RPH3AL: variants seen among roughly 807,000 people sequenced by gnomAD.
RPH3AL encodes rab effector Noc2.
In RPH3AL, 38 loss-of-function variants were observed where a neutral mutation model predicts 43.1. That is an observed-to-expected ratio of 0.88 (90% CI 0.68 to 1.15). The LOEUF is 1.15. RPH3AL is among the 50% of genes most tolerant of loss of function. RPH3AL has a pLI of 0.00. For synonymous variants in RPH3AL, 189 were observed against 176.3 expected (o/e 1.07, Z -0.57); for missense variants, 462 against 423.2 (o/e 1.09, Z -0.81).
At chr17:303,032 C>A (rs1011070793) in intron 5 of RPH3AL, among the ~76,000 whole-genome samples, 1 of 152,272 alleles carries the variant, frequency 6.6e-6, no homozygotes, top group East Asian at 1.9e-4. Context: ...CCAAGTCAGA[C>A]AATAAACTTG....
intron 6 of RPH3AL, among the ~76,000 whole-genome samples, chr17:270,608 G>T (rs1299435992): frequency 6.6e-6 from 1 of 152,104 alleles, no homozygotes. Flanking sequence ...CCAGCACTTA[G>T]GGCAGCAGAG....
At position 274,983 on chromosome 17, in the gene RPH3AL, CG is replaced by C. The variant is rs2042618929; in HGVS notation, c.438+6784del. On this transcript the variant is annotated intron_variant, in intron 6 of 9. Transcript: ENST00000331302. The surrounding 1 kb of genome is among the most constrained non-coding windows in gnomAD (Gnocchi z 4.7). Reference sequence around the variant, plus strand: ...TGGAGAACAGAATCGAAACTTACACCGGAGGGGAAAGAGCAGACGTGGTCAC... The same window carrying C: ...TGGAGAACAGAATCGAAACTTACACCGAGGGGAAAGAGCAGACGTGGTCAC... 6.6e-6 allele frequency among the ~76,000 whole-genome samples: 1 copy of C among 152,080 alleles called. No homozygotes were observed. The highest frequency in any genetic ancestry group is 1.5e-5 in the Non-Finnish European group (1 of 68,022).
chr17:279,130 T>G (rs2042723438), intron 6 of RPH3AL, among the ~76,000 whole-genome samples: 1 of 152,186 alleles, frequency 6.6e-6, no homozygotes, highest in African/African-American at 2.4e-5. Flanking sequence ...AAATCTGACA[T>G]TTTAAACGGC....
At chr17:273,954 G>A (rs1442354689) in intron 6 of RPH3AL, among the ~76,000 whole-genome samples, 3 of 152,140 alleles carry the variant, frequency 2.0e-5, no homozygotes, top group Admixed American at 1.3e-4. Flanking sequence ...TGTCCTCCAA[G>A]AAGCTTTCTT....
chr17:352,230 A>C (rs1042479057), intron 1 of RPH3AL, among the ~76,000 whole-genome samples: 3 of 152,124 alleles, frequency 2.0e-5, no homozygotes, highest in African/African-American at 7.2e-5. Flanking sequence ...CATAACACGC[A>C]ATACAAACAG....
chr17:345,304 C>T (rs1377931007), intron 1 of RPH3AL, among the ~76,000 whole-genome samples: 1 of 134,980 alleles, frequency 7.4e-6, no homozygotes, highest in Non-Finnish European at 1.7e-5. Flanking sequence ...AAACAGAACA[C>T]CCTAAATCCC....
At chr17:272,051 A>G (rs533129126) in intron 6 of RPH3AL, among the ~76,000 whole-genome samples, 8 of 152,342 alleles carry the variant, frequency 5.3e-5, no homozygotes, top group African/African-American at 1.2e-4. Flanking sequence ...CAAAACCACA[A>G]TGAGATACCA....
chr17:269,836 C>T, intron 6 of RPH3AL, among the ~76,000 whole-genome samples: 1 of 152,214 alleles, frequency 6.6e-6, no homozygotes, highest in Non-Finnish European at 1.5e-5. Context: ...GCCTCAGAGG[C>T]AAACTTCTCC....
At chr17:347,416 A>T (rs888725729) in intron 1 of RPH3AL, among the ~76,000 whole-genome samples, 2 of 152,208 alleles carry the variant, frequency 1.3e-5, no homozygotes, top group African/African-American at 4.8e-5. Context: ...CTTTGTATCT[A>T]TGAAAAATAA....
chr17:338,017 C>G (rs1015355811), intron 1 of RPH3AL, among the ~76,000 whole-genome samples: 1 of 152,218 alleles, frequency 6.6e-6, no homozygotes, highest in Non-Finnish European at 1.5e-5. Context: ...ACTTCTCCCC[C>G]ATCTCAAGTG....
chr17:259,812 G>A (rs902136920), intron 6 of RPH3AL, among the ~76,000 whole-genome samples: 10 of 152,168 alleles, frequency 6.6e-5, no homozygotes, highest in Non-Finnish European at 1.3e-4. Context: ...TCAGCTCACG[G>A]CCAATCTGAC....
intron 5 of RPH3AL, among the ~76,000 whole-genome samples, chr17:299,963 G>A (rs1450867148): frequency 3.3e-5 from 5 of 151,236 alleles, no homozygotes; most frequent in Non-Finnish European, 7.4e-5. Context: ...CCCAGCCTAG[G>A]CCCGCAGAAT....
Position 264,092 on chromosome 17 carries a change from A to G in RPH3AL, c.439-16807T>C, listed in dbSNP as rs189355091. Among the ~76,000 whole-genome samples the G allele has an allele frequency of 3.6e-4, 54 of 152,112 alleles. No homozygotes were observed. Among genetic ancestry groups the G allele is most frequent in the Middle Eastern group, 3.4e-3 (1 of 294 alleles). On this transcript the variant is annotated intron_variant, in intron 6 of 9. Transcript: ENST00000331302. This position sits in a 1 kb window ranked among gnomAD's most constrained non-coding sequence, Gnocchi z 4.8. ...ATTTTGGCCGCGTGCGACAAGCCGG[A>G]CTCTCCAAGAGCCTTGGACCCACAC...
rs544511005 is a variant in RPH3AL, at chr17:290,162, C to T, written c.352-8308G>A. 2.0e-5 allele frequency among the ~76,000 whole-genome samples: 3 copies of T among 152,370 alleles called. No individual in the cohort carries two copies. Among genetic ancestry groups the T allele is most frequent in the East Asian group, 3.9e-4 (2 of 5,192 alleles). ...CGACCTGCCGGGAAGACAAGCTGCA[C>T]GGAGGCGTGAAGGCACTCGCTCAGC... On this transcript the variant is annotated intron_variant, in intron 5 of 9. Transcript: ENST00000331302. The surrounding 1 kb of genome is among the most constrained non-coding windows in gnomAD (Gnocchi z 4.2).
intron 1 of RPH3AL, among the ~76,000 whole-genome samples, chr17:343,931 C>CCATCATCAT (rs113637303): frequency 4.8e-5 from 6 of 123,978 alleles, no homozygotes; most frequent in African/African-American, 1.6e-4. Context: ...CTCATCATCA[C>CCATCATCAT]CATCATCATC....
intron 5 of RPH3AL, among the ~76,000 whole-genome samples, chr17:302,722 G>A (rs923438486): frequency 6.6e-6 from 1 of 152,204 alleles, no homozygotes; most frequent in African/African-American, 2.4e-5. Context: ...TACAGGGAAG[G>A]GTGAAAAAGC....
intron 5 of RPH3AL, among the ~76,000 whole-genome samples, chr17:316,452 A>G (rs571017016): frequency 4.9e-5 from 7 of 142,594 alleles, no homozygotes; most frequent in African/African-American, 1.6e-4. Flanking sequence ...TCTGTGCTCC[A>G]CCTCCACTGA....
chr17:321,010 A>G (rs1341067481), intron 4 of RPH3AL, among the ~76,000 whole-genome samples: 3 of 152,160 alleles, frequency 2.0e-5, no homozygotes, highest in Admixed American at 2.0e-4. Flanking sequence ...CACCAGGCTC[A>G]TTCACGCCCT....
At chr17:259,511 C>T (rs1474753573) in intron 6 of RPH3AL, among the ~76,000 whole-genome samples, 1 of 152,146 alleles carries the variant, frequency 6.6e-6, no homozygotes, top group Non-Finnish European at 1.5e-5. Flanking sequence ...CCCTCCCCGC[C>T]CAGGAATAGT....
Sources: allele counts gnomAD v4.1 joint callset (sites outside exome capture counted in the v4.1 genomes callset), GRCh38; gene constraint gnomAD v4.1.1; non-coding constraint Gnocchi (gnomAD v3.1); transcripts MANE v1.5; gene names NCBI Gene and HGNC (gene_info 2026-07-23, HGNC 2026-07-21).